Variants in IQUB observed in about 807,000 individuals in gnomAD.
IQUB encodes the protein IQ motif and ubiquitin domain containing.
A neutral mutation model predicts 86.4 loss-of-function variants in IQUB; 86 were observed. The observed-to-expected ratio is 1.00, with a 90% CI of 0.84 to 1.19. IQUB has a LOEUF of 1.19. Among genes scored for constraint, IQUB ranks in the 50% most tolerant of loss-of-function variants. The probability of loss-of-function intolerance (pLI) is 0.00; values close to 1 mark genes in which losing one functional copy is unlikely to be tolerated. For synonymous variants in IQUB, 289 were observed against 304.5 expected (o/e 0.95, Z 0.53); for missense variants, 946 against 916.9 (o/e 1.03, Z -0.41).
At chr7:123,480,834 A>G (rs1408218607) in intron 7 of IQUB, among the ~76,000 whole-genome samples, 1 of 152,158 alleles carries the variant, frequency 6.6e-6, no homozygotes, top group Non-Finnish European at 1.5e-5. Flanking sequence ...AAACTAATGC[A>G]TTATGTTATA....
chr7:123,452,637 A>G lies in IQUB; in HGVS notation c.*106T>C. 1.5e-6 allele frequency: 1 copy of G among 662,010 alleles called. No homozygotes were observed. The highest frequency in any genetic ancestry group is 2.3e-6 in the Non-Finnish European group (1 of 438,450). 41.0% of individuals were successfully genotyped at this position (662,010 alleles called of 1,614,324 possible). ...CAAAATACTATGAAAAACAAAAAAC[A>G]AAATCAATAAACAGATTAAATTCCA... On this transcript the variant is annotated 3_prime_UTR_variant, in exon 13 of 13. Transcript: ENST00000324698.
At chr7:123,533,254 ATGTG>A (rs988990732) in intron 1 of IQUB, among the ~76,000 whole-genome samples, 36 of 152,344 alleles carry the variant, frequency 2.4e-4, no homozygotes, top group Admixed American at 6.5e-4. Flanking sequence ...CTCTGTATAT[ATGTG>A]TAAGTATACT....
chr7:123,515,169 A>G (rs1796587689), intron 1 of IQUB, among the ~76,000 whole-genome samples: 1 of 152,190 alleles, frequency 6.6e-6, no homozygotes, highest in Non-Finnish European at 1.5e-5. Flanking sequence ...TTCTCCTGTA[A>G]CAGAGCTTAA....
intron 7 of IQUB, among the ~76,000 whole-genome samples, chr7:123,481,244 C>G (rs1794989935): frequency 6.6e-6 from 1 of 152,062 alleles, no homozygotes; most frequent in African/African-American, 2.4e-5. Context: ...GCCATCACCC[C>G]CCACTTATGT....
rs1796035147 is a variant in IQUB at position 123,503,342 on chromosome 7, T to A, written c.554A>T (p.Glu185Val). 6.6e-7 allele frequency: 1 copy of A among 1,522,032 alleles called. No individual in the cohort carries two copies. Among genetic ancestry groups the A allele is most frequent in the African/African-American group, 1.4e-5 (1 of 71,334 alleles). The allele number at this position is 1,522,032 out of a possible 1,614,324, so 94.3% of individuals were successfully genotyped here. The change falls in exon 4 of 13, where the codon GAG (glutamate) becomes GTG (valine). Residue 185 changes from glutamate (E) to valine (V), a missense_variant. Physicochemically the swap from Glu to Val is moderately radical, Grantham distance 121. Transcript: ENST00000324698. ...RYSGKILKNN[E>V]TLVQHGVKPQ... ...CTTAACTCCATGTTGTACTAGAGTC[T>A]CATTATTTTTAAGAATTTTTCCTAA...
intron 12 of IQUB, 53 bp downstream of exon 12, chr7:123,457,328 C>T: frequency 6.3e-7 from 1 of 1,588,200 alleles, no homozygotes; most frequent in Non-Finnish European, 8.6e-7. Context: ...CCAGTTATCG[C>T]TAATAATTCC....
chr7:123,469,099 C>T, intron 9 of IQUB, 115 bp downstream of exon 9: 1 of 726,860 alleles, frequency 1.4e-6, no homozygotes, highest in Non-Finnish European at 2.1e-6. Context: ...CACATCCTTC[C>T]CAAATTATAC....
intron 6 of IQUB, among the ~76,000 whole-genome samples, chr7:123,498,237 T>C (rs1220345195): frequency 6.6e-6 from 1 of 152,080 alleles, no homozygotes; most frequent in South Asian, 2.1e-4. Context: ...CTATTAGCAA[T>C]GCAAATTTTC....
At chr7:123,470,800 G>A (rs985118254) in intron 8 of IQUB, among the ~76,000 whole-genome samples, 5 of 151,182 alleles carry the variant, frequency 3.3e-5, no homozygotes, top group African/African-American at 1.2e-4. Context: ...GCAGTGAGCC[G>A]AGATCGCGCC....
intron 1 of IQUB, among the ~76,000 whole-genome samples, chr7:123,520,559 T>C (rs1192754728): frequency 6.6e-6 from 1 of 152,006 alleles, no homozygotes; most frequent in African/African-American, 2.4e-5. Flanking sequence ...TGAGGACAAA[T>C]GGAGAAATGA....
intron 7 of IQUB, among the ~76,000 whole-genome samples, 180 bp downstream of exon 7, chr7:123,496,516 A>T (rs887843518): frequency 6.6e-6 from 1 of 152,164 alleles, no homozygotes; most frequent in Admixed American, 6.6e-5. Flanking sequence ...TTCTAATTTC[A>T]TTTCAGCCTT....
chr7:123,521,713 G>A (rs958032642), intron 1 of IQUB, among the ~76,000 whole-genome samples: 12 of 151,166 alleles, frequency 7.9e-5, no homozygotes, highest in African/African-American at 2.7e-4. Context: ...CCTGTAGATT[G>A]TATGTATAGT....
chr7:123,506,310 G>C (rs1796174107), intron 3 of IQUB, among the ~76,000 whole-genome samples: 1 of 152,148 alleles, frequency 6.6e-6, no homozygotes, highest in Non-Finnish European at 1.5e-5. Flanking sequence ...CAGTTCCAAA[G>C]CTGCTTCCAT....
chr7:123,523,095 G>C (rs1405163798), intron 1 of IQUB, among the ~76,000 whole-genome samples: 2 of 151,156 alleles, frequency 1.3e-5, no homozygotes, highest in Admixed American at 1.3e-4. Flanking sequence ...TCTTAATCCA[G>C]TCTATCATTG....
In IQUB at chr7:123,452,538, T is replaced by C. The variant is rs1421203823; in HGVS notation, c.*205A>G. 8.1e-6 allele frequency: 3 copies of C among 370,782 alleles called. No individual in the cohort carries two copies. Among genetic ancestry groups the C allele is most frequent in the Non-Finnish European group, 1.4e-5 (3 of 209,114 alleles). The allele number at this position is 370,782 out of a possible 1,614,324, so 23.0% of individuals were successfully genotyped here. On this transcript the variant is annotated 3_prime_UTR_variant, in exon 13 of 13. Transcript: ENST00000324698. ...AAAATATTAATTTCAGTAACAAAATTGCATTTCAATTTAGCACCAACTTCC... is the reference window on the plus strand; with the variant it reads ...AAAATATTAATTTCAGTAACAAAATCGCATTTCAATTTAGCACCAACTTCC...
rs769521746 is a variant in IQUB at position 123,464,888 on chromosome 7, A to C, written c.1703T>G (p.Phe568Cys). 6.2e-7 allele frequency: 1 copy of C among 1,607,068 alleles called. No homozygotes were observed. Among genetic ancestry groups the C allele is most frequent in the South Asian group, 1.1e-5 (1 of 89,526 alleles). ...EGLRKRIATL[F>C]FHYIKTPLFN... ...CAGAGGTGTTTTGATATAATGAAAAAAGAGTGTCGCAATTCTTTTTCTGAG... is the reference window on the plus strand; with the variant it reads ...CAGAGGTGTTTTGATATAATGAAAACAGAGTGTCGCAATTCTTTTTCTGAG... Residue 568 changes from phenylalanine to cysteine, a missense_variant, in exon 10 of 13, where the codon TTT (phenylalanine) becomes TGT (cysteine). Coordinates refer to ENST00000324698, the MANE Select transcript of IQUB (RefSeq NM_178827.5).
At chr7:123,530,602 A>G (rs934604184) in intron 1 of IQUB, among the ~76,000 whole-genome samples, 1 of 150,914 alleles carries the variant, frequency 6.6e-6, no homozygotes, top group African/African-American at 2.4e-5. Flanking sequence ...TGTTCTCACT[A>G]TAAGCTTCCC....
chr7:123,496,526 T>C (rs560306361), intron 7 of IQUB, among the ~76,000 whole-genome samples, 170 bp downstream of exon 7: 1 of 152,320 alleles, frequency 6.6e-6, no homozygotes, highest in Admixed American at 6.5e-5. Context: ...ATTTCAGCCT[T>C]AATTCTTATT....
chr7:123,488,402 A>T (rs1795311846), intron 7 of IQUB, among the ~76,000 whole-genome samples: 1 of 151,920 alleles, frequency 6.6e-6, no homozygotes, highest in African/African-American at 2.4e-5. Context: ...GTAAACCCCT[A>T]CAGGTCAAAT....
Sources: gnomAD v4.1 joint callset for allele counts (sites outside exome capture counted in the v4.1 genomes callset) on GRCh38, gnomAD v4.1.1 for gene constraint, MANE v1.5 for transcripts, NCBI Gene and HGNC (gene_info 2026-07-23, HGNC 2026-07-21) for gene names.